The following RALYL variants were observed in gnomAD, a reference collection of about 807,000 sequenced individuals.
The protein encoded by RALYL is RNA-binding Raly-like protein.
In RALYL, 29 loss-of-function variants were observed where a neutral mutation model predicts 35.1. The observed-to-expected ratio is 0.83, with a 90% CI of 0.61 to 1.13. The LOEUF (loss-of-function observed/expected upper bound fraction) is 1.13, where lower values mean the gene tolerates loss of function less well. Among genes scored for constraint, RALYL ranks in the 50% most tolerant of loss-of-function variants. RALYL has a pLI of 0.00. For missense variants in RALYL, 359 were observed against 360.4 expected (o/e 1.00, Z 0.03); for synonymous variants, 120 against 127.6 (o/e 0.94, Z 0.40).
intron 6 of RALYL, among the ~76,000 whole-genome samples, chr8:84,867,994 CT>C (rs202101098): frequency 3.3e-5 from 5 of 151,626 alleles, no homozygotes; most frequent in African/African-American, 9.7e-5. Flanking sequence ...TACTATTTCT[CT>C]TTTTTTTGTA....
intron 1 of RALYL, among the ~76,000 whole-genome samples, chr8:84,414,930 C>A (rs73304384): frequency 0.028 from 4,282 of 152,090 alleles, 198 homozygotes; most frequent in African/African-American, 0.097. Flanking sequence ...CACTTGAGAC[C>A]CAAGGTCAGA....
At chr8:84,872,175 C>T (rs1051905647) in intron 6 of RALYL, among the ~76,000 whole-genome samples, 1 of 152,110 alleles carries the variant, frequency 6.6e-6, no homozygotes, top group African/African-American at 2.4e-5. Context: ...TATAGCTGTT[C>T]CATTGTAATG....
chr8:84,593,789 G>A (rs1184907699), intron 2 of RALYL, among the ~76,000 whole-genome samples: 3 of 151,936 alleles, frequency 2.0e-5, no homozygotes, highest in South Asian at 2.1e-4. Flanking sequence ...CCTTTGGTAC[G>A]AGATAAAACT....
At chr8:84,187,714 T>C (rs1478589344) in intron 1 of RALYL, among the ~76,000 whole-genome samples, 1 of 152,132 alleles carries the variant, frequency 6.6e-6, no homozygotes, top group Non-Finnish European at 1.5e-5. Flanking sequence ...GCTAAAATTT[T>C]CTTCCTAATT....
Position 84,764,245 on chromosome 8 carries a change from C to T in RALYL, c.257-10334C>T, listed in dbSNP as rs550620551. 5.9e-5 allele frequency among the ~76,000 whole-genome samples: 9 copies of T among 152,180 alleles called. No homozygotes were observed. In the East Asian group the frequency reaches 9.7e-4, roughly 16 times the overall value. ...TGCCTGTTACATTTTCTATAGTTAGCGGCAGGTTTGCTTTTCTCTGTGATA... is the reference window on the plus strand; with the variant it reads ...TGCCTGTTACATTTTCTATAGTTAGTGGCAGGTTTGCTTTTCTCTGTGATA... On this transcript the variant is annotated intron_variant, in intron 2 of 8. Transcript: ENST00000521268.
intron 1 of RALYL, among the ~76,000 whole-genome samples, chr8:84,375,646 T>C (rs16912730): frequency 0.029 from 4,476 of 151,878 alleles, 214 homozygotes; most frequent in African/African-American, 0.1. Context: ...GGTACGCAAA[T>C]TCATGCTTTT....
At chr8:84,311,630 G>C (rs147017057) in intron 1 of RALYL, among the ~76,000 whole-genome samples, 1 of 152,026 alleles carries the variant, frequency 6.6e-6, no homozygotes, top group South Asian at 2.1e-4. Context: ...GGAATTCATA[G>C]GATCCCAATA....
At chr8:84,702,539 T>TCTCTCTCACACACACACACA (rs143400097) in intron 2 of RALYL, among the ~76,000 whole-genome samples, 1 of 136,462 alleles carries the variant, frequency 7.3e-6, no homozygotes, top group African/African-American at 3.1e-5. Flanking sequence ...TCTCTCTCTC[T>TCTCTCTCACACACACACACA]CACACACACA....
chr8:84,421,919 G>A (rs1432283537), intron 1 of RALYL, among the ~76,000 whole-genome samples: 1 of 151,030 alleles, frequency 6.6e-6, no homozygotes, highest in Non-Finnish European at 1.5e-5. Flanking sequence ...TGGTGGATAA[G>A]CTTTTTGATG....
Position 84,504,674 on chromosome 8 carries a change from T to C in RALYL, c.-23-24625T>C, listed in dbSNP as rs935244096. 7.9e-5 allele frequency among the ~76,000 whole-genome samples: 12 copies of C among 152,122 alleles called. 1 individual carries two copies. Among genetic ancestry groups the C allele is most frequent in the Admixed American group, 7.9e-4 (12 of 15,244 alleles). Reference sequence around the variant, plus strand: ...AACTGTGCAGTAGCCTGAAAAGATGTCCATATTACATTGTTAAGTAATGTA... The same window carrying C: ...AACTGTGCAGTAGCCTGAAAAGATGCCCATATTACATTGTTAAGTAATGTA... On this transcript the variant is annotated intron_variant, in intron 1 of 8. Coordinates refer to ENST00000521268, the MANE Select transcript of RALYL (RefSeq NM_173848.7).
chr8:84,311,030 G>C (rs1172716420), intron 1 of RALYL, among the ~76,000 whole-genome samples: 9 of 97,076 alleles, frequency 9.3e-5, no homozygotes, highest in Non-Finnish European at 7.5e-5. Context: ...GTCCGACCTG[G>C]GCGACAGAGC....
chr8:84,883,937 G>A (rs1842555142), intron 7 of RALYL, among the ~76,000 whole-genome samples: 1 of 151,950 alleles, frequency 6.6e-6, no homozygotes, highest in Non-Finnish European at 1.5e-5. Flanking sequence ...CTTCGTTAGA[G>A]CACACAGCAA....
At chr8:84,340,177 T>C (rs1262285371) in intron 1 of RALYL, among the ~76,000 whole-genome samples, 1 of 152,114 alleles carries the variant, frequency 6.6e-6, no homozygotes, top group Non-Finnish European at 1.5e-5. Context: ...AACCTCTTTT[T>C]CTTTATTAAA....
chr8:84,233,664 A>G (rs1292523336), intron 1 of RALYL, among the ~76,000 whole-genome samples: 1 of 152,108 alleles, frequency 6.6e-6, no homozygotes, highest in Non-Finnish European at 1.5e-5. Flanking sequence ...TGTCTTAGCC[A>G]ACATCAGTAC....
At chr8:84,214,094 C>T (rs995081297) in intron 1 of RALYL, among the ~76,000 whole-genome samples, 3 of 151,996 alleles carry the variant, frequency 2.0e-5, no homozygotes, top group Non-Finnish European at 4.4e-5. Context: ...ATTGCCACAA[C>T]CTGTATCTAG....
At chr8:84,318,572 C>T (rs1487159892) in intron 1 of RALYL, among the ~76,000 whole-genome samples, 2 of 152,066 alleles carry the variant, frequency 1.3e-5, no homozygotes, top group Non-Finnish European at 2.9e-5. Flanking sequence ...ATATAAATTA[C>T]AATATTTTTG....
intron 3 of RALYL, among the ~76,000 whole-genome samples, chr8:84,789,064 G>T (rs2133827577): frequency 6.6e-6 from 1 of 152,268 alleles, no homozygotes; most frequent in South Asian, 2.1e-4. Context: ...AAGAGTAACG[G>T]AATAAAGTCC....
intron 8 of RALYL, among the ~76,000 whole-genome samples, chr8:84,902,832 C>T (rs1845916333): frequency 6.6e-6 from 1 of 151,920 alleles, no homozygotes; most frequent in Non-Finnish European, 1.5e-5. Flanking sequence ...TATGAAAATC[C>T]CTGCTATGGG....
At chr8:84,408,586 T>C (rs963496096) in intron 1 of RALYL, among the ~76,000 whole-genome samples, 1 of 152,164 alleles carries the variant, frequency 6.6e-6, no homozygotes. Flanking sequence ...TAAGTGTCCA[T>C]GGACGCTCTC....
Sources: gnomAD v4.1 joint callset for allele counts (sites outside exome capture counted in the v4.1 genomes callset) on GRCh38, gnomAD v4.1.1 for gene constraint, MANE v1.5 for transcripts, NCBI Gene and HGNC (gene_info 2026-07-23, HGNC 2026-07-21) for gene names.